Variants in PRELID2 observed in about 807,000 individuals in gnomAD.
The protein encoded by PRELID2 is PRELI domain containing 2, also known as PRELI domain-containing protein 2.
PRELID2 carries 25 observed loss-of-function variants against 28.4 expected under a neutral mutation model. The observed-to-expected ratio is 0.88, with a 90% CI of 0.64 to 1.23. PRELID2 has a LOEUF of 1.23. Ranked by LOEUF, PRELID2 falls within the 50% of genes most tolerant of loss-of-function variation. The pLI, the probability that PRELID2 is intolerant of heterozygous loss-of-function variation, is 0.00. For synonymous variants in PRELID2, 76 were observed against 71.6 expected (o/e 1.06, Z -0.31); for missense variants, 201 against 214.4 (o/e 0.94, Z 0.39).
intron 1 of PRELID2, among the ~76,000 whole-genome samples, chr5:145,834,283 A>T (rs369640439): frequency 5.9e-5 from 9 of 152,192 alleles, no homozygotes; most frequent in East Asian, 1.9e-4. Context: ...ATAGGACTTT[A>T]GTGGTCCCCT....
At chr5:145,442,355 A>G in the PRELID2 span, among the ~76,000 whole-genome samples, 1 of 152,076 alleles carries the variant, frequency 6.6e-6, no homozygotes, top group African/African-American at 2.4e-5. Context: ...AATTCAATAA[A>G]GCATCCAGCC....
At chr5:145,234,433 A>G in the PRELID2 span, among the ~76,000 whole-genome samples, 1 of 152,296 alleles carries the variant, frequency 6.6e-6, no homozygotes, top group South Asian at 2.1e-4. Flanking sequence ...ACTTAATACC[A>G]GGTATGTCAG....
At chr5:145,380,244 C>A in the PRELID2 span, among the ~76,000 whole-genome samples, 31 of 152,274 alleles carry the variant, frequency 2.0e-4, no homozygotes, top group African/African-American at 7.2e-4. Context: ...TCCTCCAGAG[C>A]CATTGGGGGC....
At chr5:145,741,698 TAAA>T (rs1257271357) in intron 1 of PRELID2, among the ~76,000 whole-genome samples, 5 of 27,528 alleles carry the variant, frequency 1.8e-4, no homozygotes, top group African/African-American at 5.5e-4. Flanking sequence ...TATTTATATA[TAAA>T]TAATTTATTT....
At chr5:145,385,577 T>C in the PRELID2 span, among the ~76,000 whole-genome samples, 8 of 152,228 alleles carry the variant, frequency 5.3e-5, no homozygotes, top group Middle Eastern at 3.4e-3. Flanking sequence ...CATCAAATTT[T>C]TGCAACTCAT....
At chr5:145,230,643 C>G in the PRELID2 span, among the ~76,000 whole-genome samples, 1 of 151,942 alleles carries the variant, frequency 6.6e-6, no homozygotes, top group Non-Finnish European at 1.5e-5. Flanking sequence ...CCAAAATAGG[C>G]TAGTACTGTG....
intron 1 of PRELID2, among the ~76,000 whole-genome samples, chr5:145,690,963 TA>T (rs79732473): frequency 0.066 from 9,411 of 142,764 alleles, 908 homozygotes; most frequent in African/African-American, 0.22. Context: ...ATTGTCTCCC[TA>T]AAAAAAAAAA....
chr5:145,604,742 T>C (rs1256888528), intron 1 of PRELID2, among the ~76,000 whole-genome samples: 1 of 139,756 alleles, frequency 7.2e-6, no homozygotes, highest in Admixed American at 7.3e-5. Context: ...GCATCTGTTT[T>C]TTTTGGTTTT....
chr5:145,374,702 C>T, the PRELID2 span, among the ~76,000 whole-genome samples: 11 of 151,964 alleles, frequency 7.2e-5, no homozygotes, highest in Non-Finnish European at 1.3e-4. Context: ...TTTCTCTAAT[C>T]TTGTCTGCAT....
At chr5:145,401,959 AC>A in the PRELID2 span, among the ~76,000 whole-genome samples, 7 of 151,964 alleles carry the variant, frequency 4.6e-5, no homozygotes, top group Non-Finnish European at 1.5e-5. Context: ...TCCTAACATC[AC>A]CCACCCACCC....
chr5:145,665,629 T>C (rs1213473744), intron 1 of PRELID2, among the ~76,000 whole-genome samples: 1 of 152,142 alleles, frequency 6.6e-6, no homozygotes, highest in Non-Finnish European at 1.5e-5. Context: ...GTACAATGTA[T>C]AATTGGGCTC....
intron 1 of PRELID2, among the ~76,000 whole-genome samples, chr5:145,541,111 A>G (rs531492348): frequency 6.6e-5 from 10 of 152,108 alleles, no homozygotes; most frequent in African/African-American, 2.4e-4. Context: ...TATTCTCTCC[A>G]TTTCTGTTTG....
chr5:145,270,306 G>T, the PRELID2 span, among the ~76,000 whole-genome samples: 6 of 152,018 alleles, frequency 3.9e-5, no homozygotes, highest in Non-Finnish European at 1.5e-5. Flanking sequence ...TTGTATAGCA[G>T]CTCAAAACTA....
the PRELID2 span, among the ~76,000 whole-genome samples, chr5:145,376,371 T>C: frequency 6.6e-6 from 1 of 152,170 alleles, no homozygotes; most frequent in Admixed American, 6.5e-5. Flanking sequence ...TTCTGTTATG[T>C]CTTTGCCAGG....
chr5:145,330,506 G>A, the PRELID2 span, among the ~76,000 whole-genome samples: 4 of 152,162 alleles, frequency 2.6e-5, no homozygotes, highest in Non-Finnish European at 5.9e-5. Flanking sequence ...TCTTGGGAGA[G>A]CGTATGTGTC....
chr5:145,435,257 T>C, the PRELID2 span, among the ~76,000 whole-genome samples: 2 of 152,142 alleles, frequency 1.3e-5, no homozygotes, highest in African/African-American at 4.8e-5. Flanking sequence ...TTGAACTCAC[T>C]AGGTCAGGAG....
chr5:145,438,406 C>T, the PRELID2 span, among the ~76,000 whole-genome samples: 1 of 152,122 alleles, frequency 6.6e-6, no homozygotes, highest in African/African-American at 2.4e-5. Context: ...TTGTACTACC[C>T]TCCCCTATCC....
downstream of PRELID2, among the ~76,000 whole-genome samples, chr5:145,471,207 G>A (rs1168719584): frequency 3.9e-5 from 6 of 152,070 alleles, no homozygotes; most frequent in African/African-American, 1.4e-4. Flanking sequence ...CAGCTATATG[G>A]AGGAAGCTAT....
At chr5:145,567,343 A>ATGGTTTGTTTTGGTT (rs373786888) in intron 1 of PRELID2, among the ~76,000 whole-genome samples, 5,794 of 146,296 alleles carry the variant, frequency 0.04, 225 homozygotes, top group African/African-American at 0.093. Flanking sequence ...ATGAGATCTG[A>ATGGTTTGTTTTGGTT]TGGTTTGGTT....
Sources: allele counts gnomAD v4.1 joint callset (sites outside exome capture counted in the v4.1 genomes callset), GRCh38; gene constraint gnomAD v4.1.1; transcripts MANE v1.5; gene names NCBI Gene and HGNC (gene_info 2026-07-23, HGNC 2026-07-21).